Variants in OLFML1 observed in about 807,000 individuals in gnomAD.
OLFML1 encodes olfactomedin-like protein 1.
In OLFML1, 33 loss-of-function variants were observed where a neutral mutation model predicts 37.3. The observed-to-expected ratio is 0.88, with a 90% CI of 0.67 to 1.18. OLFML1 has a LOEUF of 1.18. Among genes scored for constraint, OLFML1 ranks in the 50% most tolerant of loss-of-function variants. The pLI is 0.00. For missense variants in OLFML1, 545 were observed against 483.7 expected, an observed-to-expected ratio of 1.13 and a Z score of -1.19; for synonymous variants, 186 against 181.3, an observed-to-expected ratio of 1.03 and a Z score of -0.21.
At chr11:7,486,958 C>T (rs897184429) in intron 1 of OLFML1, among the ~76,000 whole-genome samples, 6 of 152,194 alleles carry the variant, frequency 3.9e-5, no homozygotes, top group African/African-American at 1.2e-4. Context: ...AGACGAGCGG[C>T]CTCTTGCGCT....
At chr11:7,493,893 C>T (rs78596551) in intron 2 of OLFML1, among the ~76,000 whole-genome samples, 22,731 of 151,038 alleles carry the variant, frequency 0.15, 1,817 homozygotes, top group African/African-American at 0.19. Context: ...GAATGTTGGA[C>T]AGGGTAACAT....
chr11:7,495,126 T>G (rs987510583), intron 2 of OLFML1, among the ~76,000 whole-genome samples: 1 of 152,114 alleles, frequency 6.6e-6, no homozygotes, highest in Non-Finnish European at 1.5e-5. Flanking sequence ...TTCTTGTGAA[T>G]CTCTCTCAAG....
intron 2 of OLFML1, among the ~76,000 whole-genome samples, chr11:7,504,344 CAA>C (rs1193445757): frequency 6.6e-6 from 1 of 151,870 alleles, no homozygotes; most frequent in Non-Finnish European, 1.5e-5. Flanking sequence ...AGAGGGAGAA[CAA>C]AGAGAGAAGC....
intron 2 of OLFML1, among the ~76,000 whole-genome samples, chr11:7,493,896 G>C (rs1340273397): frequency 6.6e-6 from 1 of 151,974 alleles, no homozygotes; most frequent in African/African-American, 2.4e-5. Context: ...TGTTGGACAG[G>C]GTAACATTCT....
At chr11:7,508,031 C>T (rs1472775024) in intron 2 of OLFML1, among the ~76,000 whole-genome samples, 6 of 152,148 alleles carry the variant, frequency 3.9e-5, no homozygotes, top group Non-Finnish European at 8.8e-5. Context: ...GAAGAAAGAG[C>T]CCTGTGGCTT....
At chr11:7,490,680 T>C (rs1848584726) in intron 2 of OLFML1, among the ~76,000 whole-genome samples, 1 of 152,196 alleles carries the variant, frequency 6.6e-6, no homozygotes, top group Non-Finnish European at 1.5e-5. Context: ...GATTGCTACA[T>C]CCATGTCTGT....
intron 2 of OLFML1, chr11:7,489,013 G>T (rs1848563871): frequency 6.6e-6 from 1 of 152,138 alleles, no homozygotes; most frequent in African/African-American, 2.4e-5. Context: ...ACACACAAAT[G>T]ACAAAGAAAA....
chr11:7,489,063 G>A (rs751247567), intron 2 of OLFML1: 9 of 152,140 alleles, frequency 5.9e-5, no homozygotes, highest in African/African-American at 2.2e-4. Context: ...AACAATGAGG[G>A]AGACAAATCT....
intron 1 of OLFML1, among the ~76,000 whole-genome samples, chr11:7,486,752 T>C (rs113445363): frequency 0.016 from 2,401 of 151,108 alleles, 80 homozygotes; most frequent in African/African-American, 0.054. Flanking sequence ...AATTGATAAA[T>C]TATTTATCTT....
chr11:7,490,518 A>G (rs756065621), intron 2 of OLFML1, among the ~76,000 whole-genome samples: 5 of 152,086 alleles, frequency 3.3e-5, no homozygotes, highest in Non-Finnish European at 7.4e-5. Flanking sequence ...TGTTGAGACT[A>G]CCCTTTCCCA....
At chr11:7,506,693 G>A (rs1848790364) in intron 2 of OLFML1, among the ~76,000 whole-genome samples, 1 of 152,208 alleles carries the variant, frequency 6.6e-6, no homozygotes, top group Non-Finnish European at 1.5e-5. Flanking sequence ...CAAGGCAGAT[G>A]TTTGAACTCA....
At chr11:7,494,144 A>C (rs147511954) in intron 2 of OLFML1, among the ~76,000 whole-genome samples, 1 of 152,376 alleles carries the variant, frequency 6.6e-6, no homozygotes, top group East Asian at 1.9e-4. Flanking sequence ...TAGGCATTTC[A>C]AGAAAATGAA....
chr11:7,494,614 G>C (rs369416352), intron 2 of OLFML1, among the ~76,000 whole-genome samples: 1 of 152,244 alleles, frequency 6.6e-6, no homozygotes, highest in African/African-American at 2.4e-5. Context: ...CTGCGGAGCA[G>C]TGATAAGCAT....
chr11:7,509,485 T>C lies in OLFML1; in HGVS notation c.506T>C (p.Val169Ala). ...CATGGCTCTTGGATGAAAGATGCTG[T>C]CTATAACTCTCCAAAGGTGTACTTA... ...DTHGSWMKDA[V>A]YNSPKVYLLI... Residue 169 changes from valine to alanine, a missense_variant, in exon 3 of 3, where the codon GTC becomes GCC. Coordinates refer to ENST00000329293, the MANE Select transcript of OLFML1 (RefSeq NM_198474.4). The C allele has an allele frequency of 6.2e-7, 1 of 1,614,030 alleles. No homozygotes were observed. The highest frequency in any genetic ancestry group is 8.5e-7 in the Non-Finnish European group (1 of 1,179,932).
In OLFML1 at chr11:7,510,685, T is replaced by G. The variant is rs1254227737; in HGVS notation, c.*497T>G. The G allele has an allele frequency of 1.3e-5, 2 of 153,214 alleles. No homozygotes were observed. Among genetic ancestry groups the G allele is most frequent in the African/African-American group, 4.8e-5 (2 of 41,450 alleles). The allele number at this position is 153,214 out of a possible 1,614,324, so 9.5% of individuals were successfully genotyped here. A position where few individuals can be genotyped will look rare whatever the true frequency, so the allele number is the denominator to read the frequency against. Reference sequence around the variant, plus strand: ...TATTTCTTTCTTTTCTTTTCTTTTTTTTGAGACAAGGTCTCACTATGTTGC... The same window carrying G: ...TATTTCTTTCTTTTCTTTTCTTTTTGTTGAGACAAGGTCTCACTATGTTGC... On this transcript the variant is annotated 3_prime_UTR_variant, in exon 3 of 3. Transcript: ENST00000329293.
rs1848848457 is a variant in OLFML1, at chr11:7,510,605, T to C, written c.*417T>C. ...CCTTTGCTGAAGCTCTTCCCTCTTT[T>C]TCAAATGTCTATTGATATTCTCCCA... On this transcript the variant is annotated 3_prime_UTR_variant, in exon 3 of 3. Transcript: ENST00000329293. 6.3e-6 allele frequency: 1 copy of C among 159,684 alleles called. No homozygotes were observed. Among genetic ancestry groups the C allele is most frequent in the Admixed American group, 6.2e-5 (1 of 16,186 alleles). 9.9% of individuals were successfully genotyped at this position (159,684 alleles called of 1,614,324 possible).
chr11:7,498,225 A>C (rs887789155), intron 2 of OLFML1, among the ~76,000 whole-genome samples: 1 of 152,232 alleles, frequency 6.6e-6, no homozygotes, highest in African/African-American at 2.4e-5. Flanking sequence ...GTTGCACAGA[A>C]TGCTTTAGGC....
intron 2 of OLFML1, among the ~76,000 whole-genome samples, chr11:7,491,962 A>C (rs993701758): frequency 3.9e-5 from 6 of 152,178 alleles, no homozygotes; most frequent in Admixed American, 2.6e-4. Context: ...TGATAACTTC[A>C]AAATCAACTG....
Position 7,488,293 on chromosome 11 carries a change from T to C in OLFML1, c.296T>C (p.Ile99Thr), listed in dbSNP as rs375267113. ...ALRVERAQREIDYIQYLREAD... is the reference protein window; with the variant it reads ...ALRVERAQRETDYIQYLREAD... ...AGAGTTGAACGTGCCCAACGGGAGA[T>C]TGACTACATACAATACCTTCGAGAG... Residue 99 changes from isoleucine to threonine, a missense_variant, in exon 2 of 3, where the codon ATT becomes ACT. Transcript: ENST00000329293. 363 of 1,614,106 alleles carry C rather than the reference T, an allele frequency of 2.2e-4. No homozygotes were observed. Among genetic ancestry groups the C allele is most frequent in the Admixed American group, 1.0e-3 (62 of 60,020 alleles).
Sources: gnomAD v4.1 joint callset for allele counts (sites outside exome capture counted in the v4.1 genomes callset) on GRCh38, gnomAD v4.1.1 for gene constraint, MANE v1.5 for transcripts, NCBI Gene and HGNC (gene_info 2026-07-23, HGNC 2026-07-21) for gene names.